ZNF654: variants seen among roughly 807,000 people sequenced by gnomAD.
ZNF654 encodes the protein melanoma-associated antigen.
Under a neutral mutation model 95.3 loss-of-function variants are expected in ZNF654, and 19 were observed. That is an observed-to-expected ratio of 0.20 (90% CI 0.14 to 0.29). The LOEUF is 0.29. ZNF654 is among the 10% of genes least tolerant of loss of function. The probability of loss-of-function intolerance (pLI) is 1.00; values close to 1 mark genes in which losing one functional copy is unlikely to be tolerated. For missense variants in ZNF654, 1,046 were observed against 1,341.0 expected, an observed-to-expected ratio of 0.78 and a Z score of 3.44; for synonymous variants, 413 against 457.9, an observed-to-expected ratio of 0.90 and a Z score of 1.25.
chr3:88,086,985 T>C (rs1376550545), intron 2 of ZNF654, among the ~76,000 whole-genome samples: 3 of 152,202 alleles, frequency 2.0e-5, no homozygotes, highest in African/African-American at 7.2e-5. Context: ...GGTTTCACCA[T>C]GTTAGCCAGG....
chr3:88,067,339 C>T (rs1287064101), intron 1 of ZNF654, among the ~76,000 whole-genome samples: 1 of 152,188 alleles, frequency 6.6e-6, no homozygotes, highest in African/African-American at 2.4e-5. Flanking sequence ...GGTGCTTTTG[C>T]CTCATCCAAG....
rs1277758910 is a variant in ZNF654, at chr3:88,142,249, C to G, written c.*597C>G. ...CAGGTTTCCAGATGATTAATTAGGT[C>G]AAAGTTCAATGAATGGCACGCCAGC... On this transcript the variant is annotated 3_prime_UTR_variant, in exon 9 of 9. Coordinates refer to ENST00000636215, the MANE Select transcript of ZNF654 (RefSeq NM_001350134.2). 1 of 147,290 alleles carries G rather than the reference C, an allele frequency of 6.8e-6. No individual in the cohort carries two copies. Among genetic ancestry groups the G allele is most frequent in the Non-Finnish European group, 1.5e-5 (1 of 67,416 alleles). The allele number at this position is 147,290 out of a possible 1,614,324, so 9.1% of individuals were successfully genotyped here. A position where few individuals can be genotyped will look rare whatever the true frequency, so the allele number is the denominator to read the frequency against.
Position 88,140,545 on chromosome 3 carries a change from A to C in ZNF654, c.2876A>C (p.Lys959Thr). 6.2e-7 allele frequency: 1 copy of C among 1,613,800 alleles called. No homozygotes were observed. The highest frequency in any genetic ancestry group is 8.5e-7 in the Non-Finnish European group (1 of 1,179,738). The stretch of plus-strand genomic sequence containing the variant: ...TCAAATATAAGCTTGATAGACCAAA[A>C]GATGCCTGACATAGAGCCAAATTCT... ...TVSNISLIDQ[K>T]MPDIEPNSEN... The change falls in exon 8 of 9, where the codon AAG (lysine) becomes ACG (threonine). Residue 959 changes from lysine to threonine, a missense_variant. This residue lies in a region of ZNF654 where 495 missense variants were observed against 537.0 expected (regional missense o/e 0.92). Transcript: ENST00000636215.
Position 88,140,903 on chromosome 3 carries a change from T to C in ZNF654, c.3234T>C (p.Ser1078=), listed in dbSNP as rs1220465357. 1 of 1,613,654 alleles carries C rather than the reference T, an allele frequency of 6.2e-7. No individual in the cohort carries two copies. The highest frequency in any genetic ancestry group is 1.1e-5 in the South Asian group (1 of 91,078). The change falls in exon 8 of 9, where the codon TCT becomes TCC. Residue 1078 remains serine (S), a synonymous_variant. Transcript: ENST00000636215. The part of the protein sequence containing the change: ...KFLTDRVDAC[S]DQDNVYKKSV... ...TGACTGATAGAGTAGATGCCTGTTC[T>C]GATCAAGATAACGTGTATAAAAAAT...
intron 1 of ZNF654, among the ~76,000 whole-genome samples, chr3:88,060,851 G>C (rs1656680304): frequency 6.6e-6 from 1 of 151,992 alleles, no homozygotes; most frequent in Admixed American, 6.5e-5. Flanking sequence ...AGCATTGAAA[G>C]AAAAAGGATG....
chr3:88,107,607 T>C (rs1212513207), intron 2 of ZNF654, among the ~76,000 whole-genome samples: 1 of 152,160 alleles, frequency 6.6e-6, no homozygotes, highest in East Asian at 1.9e-4. Context: ...TTTAGAACTA[T>C]GATTAAACAT....
In ZNF654 at chr3:88,126,217, A is replaced by G; in HGVS notation, c.498A>G (p.Glu166=). 6.5e-7 allele frequency: 1 copy of G among 1,530,932 alleles called. No individual in the cohort carries two copies. Among genetic ancestry groups the G allele is most frequent in the Admixed American group, 2.0e-5 (1 of 50,814 alleles). 94.8% of individuals were successfully genotyped at this position (1,530,932 alleles called of 1,614,324 possible). A position where few individuals can be genotyped will look rare whatever the true frequency, so the allele number is the denominator to read the frequency against. The change falls in exon 4 of 9, where the codon GAA becomes GAG. Residue 166 remains glutamate (E), a synonymous_variant. Coordinates refer to ENST00000636215, the MANE Select transcript of ZNF654 (RefSeq NM_001350134.2). ...TRIIRDGGPW[E]DPVLQAVLKA... ...TCATTAGAGATGGTGGCCCATGGGA[A>G]GATCCAGTGTTGCAAGCTGTCCTTA... is the stretch of plus-strand genomic sequence containing the variant.
At chr3:88,068,642 G>A (rs1226755866) in intron 1 of ZNF654, among the ~76,000 whole-genome samples, 2 of 152,106 alleles carry the variant, frequency 1.3e-5, no homozygotes, top group African/African-American at 4.8e-5. Flanking sequence ...CTTTATATAT[G>A]TATATGCTGT....
At chr3:88,101,824 C>G (rs1233966808) in intron 2 of ZNF654, among the ~76,000 whole-genome samples, 2 of 152,066 alleles carry the variant, frequency 1.3e-5, no homozygotes, top group Non-Finnish European at 2.9e-5. Flanking sequence ...TTCACTAATA[C>G]TTTTTATCTT....
rs1344880767 is a variant in ZNF654, at chr3:88,144,504, C to T, written c.*2852C>T. On this transcript the variant is annotated 3_prime_UTR_variant, in exon 9 of 9. Coordinates refer to ENST00000636215, the MANE Select transcript of ZNF654 (RefSeq NM_001350134.2). ...GATTCAGCAAGAAAGGAAATTTGTG[C>T]TTCCTTGTTGAATGTTAAATTATTT... The T allele has an allele frequency of 2.0e-5, 3 of 152,348 alleles. No individual in the cohort carries two copies. In the East Asian group the frequency reaches 5.8e-4, roughly 29 times the overall value. The allele number at this position is 152,348 out of a possible 1,614,324, so 9.4% of individuals were successfully genotyped here.
At chr3:88,133,199 G>A (rs1195213520) in intron 6 of ZNF654, among the ~76,000 whole-genome samples, 1 of 152,102 alleles carries the variant, frequency 6.6e-6, no homozygotes, top group Non-Finnish European at 1.5e-5. Flanking sequence ...GGTCACATAG[G>A]AGACATGGCC....
chr3:88,142,882 A>ATT lies in ZNF654; in HGVS notation c.*1230_*1231insTT. Reference sequence around the variant, plus strand: ...TTTCCTAAGAAGATTTTAACTTAATAAAGTGTTAAAACAATAAATATTTTT... The same window carrying ATT: ...TTTCCTAAGAAGATTTTAACTTAATATTAAGTGTTAAAACAATAAATATTTTT... On this transcript the variant is annotated 3_prime_UTR_variant, in exon 9 of 9. Coordinates refer to ENST00000636215, the MANE Select transcript of ZNF654 (RefSeq NM_001350134.2). 6.6e-6 allele frequency: 1 copy of ATT among 152,454 alleles called. No individual in the cohort carries two copies. The highest frequency in any genetic ancestry group is 1.5e-5 in the Non-Finnish European group (1 of 67,784). The allele number at this position is 152,454 out of a possible 1,614,324, so 9.4% of individuals were successfully genotyped here. A position where few individuals can be genotyped will look rare whatever the true frequency, so the allele number is the denominator to read the frequency against.
At chr3:88,103,741 T>C (rs1274139144) in intron 2 of ZNF654, among the ~76,000 whole-genome samples, 1 of 149,796 alleles carries the variant, frequency 6.7e-6, no homozygotes, top group Non-Finnish European at 1.5e-5. Flanking sequence ...TTTAAAGTGA[T>C]GAAAGAAAGA....
chr3:88,059,298 C>A lies in ZNF654; in HGVS notation c.-22C>A. 6.5e-7 allele frequency: 1 copy of A among 1,531,922 alleles called. No homozygotes were observed. Among genetic ancestry groups the A allele is most frequent in the South Asian group, 1.2e-5 (1 of 83,870 alleles). 94.9% of individuals were successfully genotyped at this position (1,531,922 alleles called of 1,614,324 possible). A position where few individuals can be genotyped will look rare whatever the true frequency, so the allele number is the denominator to read the frequency against. On this transcript the variant is annotated 5_prime_UTR_variant, in exon 1 of 9. Transcript: ENST00000636215. The stretch of plus-strand genomic sequence containing the variant: ...GGCGGCGGCGGCGCAGGGGCTGGTA[C>A]GCGCTGGGCGGCGAGAGCCTCATGG...
intron 2 of ZNF654, among the ~76,000 whole-genome samples, chr3:88,111,538 C>T (rs911454079): frequency 2.6e-5 from 4 of 151,682 alleles, no homozygotes; most frequent in African/African-American, 9.7e-5. Context: ...ACTAATGTTC[C>T]GTTAATATTT....
chr3:88,061,352 G>A (rs1265085308), intron 1 of ZNF654, among the ~76,000 whole-genome samples: 1 of 152,166 alleles, frequency 6.6e-6, no homozygotes, highest in African/African-American at 2.4e-5. Flanking sequence ...AACAAATGAA[G>A]TTGACTACTT....
chr3:88,097,488 G>A (rs1249093242), intron 2 of ZNF654, among the ~76,000 whole-genome samples: 1 of 151,946 alleles, frequency 6.6e-6, no homozygotes, highest in Non-Finnish European at 1.5e-5. Context: ...AGACCTAACA[G>A]ACATCTACTG....
intron 6 of ZNF654, 50 bp downstream of exon 6, chr3:88,129,876 A>G (rs1706341477): frequency 2.3e-6 from 3 of 1,326,798 alleles, no homozygotes; most frequent in Admixed American, 3.1e-5. Context: ...GGCAACAGAA[A>G]GGAAATTGCA....
intron 1 of ZNF654, among the ~76,000 whole-genome samples, chr3:88,067,473 G>A (rs1286550533): frequency 6.6e-6 from 1 of 152,152 alleles, no homozygotes; most frequent in Non-Finnish European, 1.5e-5. Flanking sequence ...GGGAGAGAAA[G>A]TAGACTAGGA....
Sources: allele counts gnomAD v4.1 joint callset (sites outside exome capture counted in the v4.1 genomes callset), GRCh38; gene constraint gnomAD v4.1.1; regional missense constraint gnomAD v4.1.1; transcripts MANE v1.5; gene names NCBI Gene and HGNC (gene_info 2026-07-23, HGNC 2026-07-21).